The following RNF170 variants were observed in gnomAD, a reference collection of about 807,000 sequenced individuals.
RNF170 encodes ring finger protein 170, also known as E3 ubiquitin-protein ligase RNF170.
RNF170 carries 12 observed loss-of-function variants against 32.7 expected under a neutral mutation model. The ratio of observed to expected loss-of-function variants is 0.37; its 90% confidence interval spans 0.24 to 0.60. The LOEUF (loss-of-function observed/expected upper bound fraction) is 0.60, where lower values mean the gene tolerates loss of function less well. RNF170 is among the 20% of genes least tolerant of loss of function. The probability of loss-of-function intolerance (pLI) is 0.72; values close to 1 mark genes in which losing one functional copy is unlikely to be tolerated. For synonymous variants in RNF170, 91 were observed against 103.6 expected (o/e 0.88, Z 0.74); for missense variants, 212 against 311.2 (o/e 0.68, Z 2.40).
At chr8:42,872,886 T>C (rs989259363) in intron 3 of RNF170, among the ~76,000 whole-genome samples, 3 of 152,198 alleles carry the variant, frequency 2.0e-5, no homozygotes, top group East Asian at 1.9e-4. Context: ...ATGGATAAAT[T>C]ATAAAACCCT....
intron 1 of RNF170, among the ~76,000 whole-genome samples, chr8:42,891,315 T>G (rs1806281565): frequency 6.6e-6 from 1 of 152,222 alleles, no homozygotes; most frequent in Non-Finnish European, 1.5e-5. Flanking sequence ...GATTTTTAGC[T>G]TAACTCTTCC....
At chr8:42,879,735 T>C (rs1454715799) in intron 2 of RNF170, among the ~76,000 whole-genome samples, 1 of 152,044 alleles carries the variant, frequency 6.6e-6, no homozygotes, top group African/African-American at 2.4e-5. Flanking sequence ...AGTATAGTGC[T>C]ACACTCTTGG....
chr8:42,849,667 T>C (rs956884045), downstream of RNF170: 2 of 152,240 alleles, frequency 1.3e-5, no homozygotes, highest in South Asian at 2.1e-4. Flanking sequence ...AGCATTACCA[T>C]GGATATTGAG....
In RNF170 at chr8:42,854,404, C is replaced by T. The variant is rs1563652158; in HGVS notation, c.*1755G>A. 8 of 1,287,194 alleles carry T rather than the reference C, an allele frequency of 6.2e-6. No individual in the cohort carries two copies. Among genetic ancestry groups the T allele is most frequent in the Non-Finnish European group, 7.1e-6 (7 of 988,696 alleles). 79.7% of individuals were successfully genotyped at this position (1,287,194 alleles called of 1,614,324 possible). A position where few individuals can be genotyped will look rare whatever the true frequency, so the allele number is the denominator to read the frequency against. On this transcript the variant is annotated 3_prime_UTR_variant, in exon 7 of 7. Coordinates refer to ENST00000527424, the MANE Select transcript of RNF170 (RefSeq NM_030954.4). ...CATTCAAAAACACTTTCATCAATAG[C>T]ATGGGGATTGTATCTATGAAAGGGA...
chr8:42,895,561 AT>A (rs1019201161), intron 1 of RNF170, among the ~76,000 whole-genome samples: 122 of 152,288 alleles, frequency 8.0e-4, no homozygotes, highest in African/African-American at 2.7e-3. Flanking sequence ...ATTCCAACAT[AT>A]TTGCACTACG....
Position 42,856,401 on chromosome 8 carries a change from T to C in RNF170, c.535A>G (p.Thr179Ala). ...SIMERIMDLPTLLRHAFREMF... is the reference protein window; with the variant it reads ...SIMERIMDLPALLRHAFREMF... ...TCCCTGAATGCATGCCTCAGTAAAG[T>C]GGGTAGATCCATAATTCTCTCCATA... The change falls in exon 7 of 7, where the codon ACT becomes GCT. Residue 179 changes from threonine to alanine, a missense_variant. Transcript: ENST00000527424. 1 of 1,610,700 alleles carries C rather than the reference T, an allele frequency of 6.2e-7. No homozygotes were observed. The highest frequency in any genetic ancestry group is 8.5e-7 in the Non-Finnish European group (1 of 1,179,094).
At chr8:42,868,584 G>A (rs1804289365) in intron 4 of RNF170, among the ~76,000 whole-genome samples, 4 of 152,222 alleles carry the variant, frequency 2.6e-5, no homozygotes, top group Non-Finnish European at 5.9e-5. Context: ...GCTGGGTGCA[G>A]TGGCTCACAT....
chr8:42,891,587 A>T (rs1168576113), intron 1 of RNF170, among the ~76,000 whole-genome samples: 2 of 152,196 alleles, frequency 1.3e-5, no homozygotes, highest in Admixed American at 6.5e-5. Context: ...AATTCTGTTA[A>T]ATGTCCCTAA....
chr8:42,876,954 CTTT>C (rs761345107), intron 2 of RNF170, among the ~76,000 whole-genome samples: 1,758 of 124,784 alleles, frequency 0.014, 36 homozygotes, highest in African/African-American at 0.049. Flanking sequence ...TGTGCCCGGA[CTTT>C]TTTTTTTTTT....
intron 5 of RNF170, among the ~76,000 whole-genome samples, chr8:42,864,981 G>T (rs987863819): frequency 2.6e-5 from 4 of 151,802 alleles, no homozygotes; most frequent in Admixed American, 2.6e-4. Flanking sequence ...CGTGGGCTGG[G>T]CGTGGTATCT....
In RNF170 at chr8:42,862,763, T is replaced by C. The variant is rs77045521; in HGVS notation, c.397-908A>G. On this transcript the variant is annotated intron_variant, in intron 5 of 6. Transcript: ENST00000527424. ...TCCTTCACAAATTTGTTAATAAAAA[T>C]GCATTCTTTCAATACACATTAATGG... Among the ~76,000 whole-genome samples, 754 of 152,290 alleles carry C rather than the reference T, an allele frequency of 5.0e-3. 4 individuals are homozygous for C. Among genetic ancestry groups the C allele is most frequent in the African/African-American group, 0.017 (725 of 41,552 alleles).
intron 2 of RNF170, among the ~76,000 whole-genome samples, chr8:42,886,299 T>C (rs1805822245): frequency 6.6e-6 from 1 of 152,078 alleles, no homozygotes; most frequent in Non-Finnish European, 1.5e-5. Flanking sequence ...TCCTTCTATT[T>C]GGTGTATATT....
rs1307317358 is a variant in RNF170 at position 42,854,930 on chromosome 8, T to A, written c.*1229A>T. On this transcript the variant is annotated 3_prime_UTR_variant, in exon 7 of 7. Transcript: ENST00000527424. ...ATCCTGAGACAGTATTATAAAAATT[T>A]CTGACAACAGAAAACTAACAAAATT... 1 of 1,287,126 alleles carries A rather than the reference T, an allele frequency of 7.8e-7. No individual in the cohort carries two copies. The highest frequency in any genetic ancestry group is 2.3e-5 in the Admixed American group (1 of 43,538). 79.7% of individuals were successfully genotyped at this position (1,287,126 alleles called of 1,614,324 possible).
chr8:42,869,886 C>T, intron 4 of RNF170, 118 bp downstream of exon 4: 1 of 734,376 alleles, frequency 1.4e-6, no homozygotes. Flanking sequence ...CAGAGGTAAT[C>T]TACCCTACTC....
At chr8:42,871,315 A>G (rs750365998) in intron 3 of RNF170, among the ~76,000 whole-genome samples, 13 of 152,208 alleles carry the variant, frequency 8.5e-5, no homozygotes, top group Non-Finnish European at 1.5e-4. Context: ...GCTAGCATGA[A>G]AAATATCTAA....
intron 2 of RNF170, among the ~76,000 whole-genome samples, chr8:42,876,097 AAAAATCGTGATGACAT>A (rs1469363032): frequency 5.0e-4 from 76 of 152,180 alleles, no homozygotes; most frequent in African/African-American, 1.8e-3. Flanking sequence ...TCATTGGAAA[AAAAATCGTGATGACAT>A]TTCAGAATAC....
chr8:42,861,831 C>A lies in RNF170; in HGVS notation c.421G>T (p.Gly141Cys). ...ACATCCTGAGACTGATCATCTTCAC[C>A]AAATACTGTTAGGAGTAAGGTTACC... ...QTVTLLLTVF[G>C]EDDQSQDVLR... The change falls in exon 6 of 7, where the codon GGT (glycine) becomes TGT (cysteine). Residue 141 changes from glycine to cysteine, a missense_variant. Coordinates refer to ENST00000527424, the MANE Select transcript of RNF170 (RefSeq NM_030954.4). 4 of 1,613,562 alleles carry A rather than the reference C, an allele frequency of 2.5e-6. No homozygotes were observed. The South Asian group carries it at 4.4e-5, about 18-fold the overall frequency.
intron 6 of RNF170, among the ~76,000 whole-genome samples, chr8:42,859,109 A>G (rs980098227): frequency 6.6e-6 from 1 of 152,038 alleles, no homozygotes; most frequent in South Asian, 2.1e-4. Context: ...GCTTGAGCCC[A>G]GGAGGCAAAC....
chr8:42,861,956 A>T, intron 5 of RNF170, 101 bp from the exon 6 acceptor site: 1 of 1,282,672 alleles, frequency 7.8e-7, no homozygotes, highest in Non-Finnish European at 1.0e-6. Flanking sequence ...TTCTATATTT[A>T]TATTTCACTC....
Sources: allele counts gnomAD v4.1 joint callset (sites outside exome capture counted in the v4.1 genomes callset), GRCh38; gene constraint gnomAD v4.1.1; transcripts MANE v1.5; gene names NCBI Gene and HGNC (gene_info 2026-07-23, HGNC 2026-07-21).